The following SRP68 variants were observed in gnomAD, a reference collection of about 807,000 sequenced individuals.
SRP68 encodes the protein signal recognition particle 68, also known as signal recognition particle subunit SRP68.
Under a neutral mutation model 82.2 loss-of-function variants are expected in SRP68, and 15 were observed. The ratio of observed to expected loss-of-function variants is 0.18; its 90% CI spans 0.12 to 0.28. SRP68 has a LOEUF of 0.28. Ranked by LOEUF, SRP68 falls within the 10% of genes least tolerant of loss-of-function variation. The pLI, the probability that SRP68 is intolerant of heterozygous loss-of-function variation, is 1.00. For missense variants in SRP68, 595 were observed against 780.5 expected (o/e 0.76, Z 2.83); for synonymous variants, 261 against 292.6 (o/e 0.89, Z 1.10).
chr17:76,045,845 T>G (rs569395760), intron 11 of SRP68, among the ~76,000 whole-genome samples, 193 bp downstream of exon 11: 12 of 152,274 alleles, frequency 7.9e-5, no homozygotes, highest in African/African-American at 2.9e-4. Flanking sequence ...GGGTCACTAT[T>G]CTCTGCAGAT....
intron 9 of SRP68, among the ~76,000 whole-genome samples, chr17:76,049,930 C>T (rs1352866727): frequency 6.6e-6 from 1 of 152,014 alleles, no homozygotes; most frequent in South Asian, 2.1e-4. Context: ...AGAAGGGAAC[C>T]GAGACCAAGC....
intron 7 of SRP68, among the ~76,000 whole-genome samples, chr17:76,059,868 G>C (rs1238266311): frequency 1.3e-5 from 2 of 151,286 alleles, no homozygotes; most frequent in South Asian, 4.2e-4. Context: ...GCTCATGCCT[G>C]TAATCCCAGC....
At chr17:76,047,586 C>T (rs2066640979) in intron 10 of SRP68, among the ~76,000 whole-genome samples, 1 of 151,936 alleles carries the variant, frequency 6.6e-6, no homozygotes, top group Non-Finnish European at 1.5e-5. Context: ...GAGTTTGAGA[C>T]CAGCCCAGGT....
intron 8 of SRP68, among the ~76,000 whole-genome samples, chr17:76,056,949 A>G (rs1045222413): frequency 1.3e-5 from 2 of 152,256 alleles, no homozygotes; most frequent in African/African-American, 4.8e-5. Context: ...ACAGTTTTGC[A>G]TGAATATTAC....
chr17:76,046,303 G>T, intron 10 of SRP68, 109 bp from the exon 11 acceptor site: 1 of 1,272,352 alleles, frequency 7.9e-7, no homozygotes, highest in Non-Finnish European at 1.1e-6. Context: ...GCGGGTGGGG[G>T]CGTGGCCACA....
intron 8 of SRP68, among the ~76,000 whole-genome samples, chr17:76,056,734 A>C (rs926547258): frequency 2.6e-5 from 4 of 152,216 alleles, no homozygotes; most frequent in Non-Finnish European, 5.9e-5. Flanking sequence ...CGGAAATGCC[A>C]CTGTTCCCTG....
Position 76,040,464 on chromosome 17 carries a change from G to T in SRP68, c.1611C>A (p.Asp537Glu). 6.2e-7 allele frequency: 1 copy of T among 1,614,036 alleles called. No homozygotes were observed. Among genetic ancestry groups the T allele is most frequent in the East Asian group, 2.2e-5 (1 of 44,894 alleles). Residue 537 changes from aspartate to glutamate, a missense_variant, in exon 15 of 16, where the codon GAC (aspartate) becomes GAA (glutamate). Coordinates refer to ENST00000307877, the MANE Select transcript of SRP68 (RefSeq NM_014230.4). ...AGGAGGAGGTCTCTGTTTGATGAGC[G>T]TCGTTTGCATCTGAAAGTTTCACAG... ...LQAAAILDANDAHQTETSSSQ... is the reference protein window; with the variant it reads ...LQAAAILDANEAHQTETSSSQ...
intron 8 of SRP68, among the ~76,000 whole-genome samples, chr17:76,054,175 TCA>T (rs1448587374): frequency 6.6e-6 from 1 of 152,246 alleles, no homozygotes. Flanking sequence ...CTCGTCAGGC[TCA>T]GTTTCAAAAC....
intron 8 of SRP68, among the ~76,000 whole-genome samples, chr17:76,056,412 G>C (rs75647820): frequency 2.0e-5 from 3 of 152,164 alleles, no homozygotes; most frequent in African/African-American, 2.4e-5. Flanking sequence ...CCATACAACA[G>C]TGCCAATAGA....
chr17:76,043,721 G>T, intron 13 of SRP68, 108 bp downstream of exon 13: 1 of 1,281,896 alleles, frequency 7.8e-7, no homozygotes, highest in East Asian at 2.7e-5. Flanking sequence ...CGGGCAGCCA[G>T]GGAGGACCAG....
chr17:76,043,030 G>C (rs2066602924), intron 13 of SRP68, among the ~76,000 whole-genome samples: 1 of 152,034 alleles, frequency 6.6e-6, no homozygotes, highest in Non-Finnish European at 1.5e-5. Flanking sequence ...CAGGAGGACT[G>C]CTTGAGGCCA....
At position 76,060,725 on chromosome 17, in the gene SRP68, C is replaced by T. The variant is rs531795124; in HGVS notation, c.755-335G>A. 22 of 336,184 alleles carry T rather than the reference C, an allele frequency of 6.5e-5. No homozygotes were observed. In the East Asian group the frequency reaches 1.3e-3, roughly 20 times the overall value. 20.8% of individuals were successfully genotyped at this position (336,184 alleles called of 1,614,324 possible). On this transcript the variant is annotated intron_variant, in intron 6 of 15. Transcript: ENST00000307877. ...GGGCCATCAATTGTAACAAATGCAC[C>T]CCTCTGGTGGGGGAAGATGCTAATG...
At position 76,060,633 on chromosome 17, in the gene SRP68, T is replaced by C. The variant is rs1311225950; in HGVS notation, c.755-243A>G. 4 of 453,712 alleles carry C rather than the reference T, an allele frequency of 8.8e-6. No individual in the cohort carries two copies. In the Admixed American group the frequency reaches 1.5e-4, roughly 17 times the overall value. The allele number at this position is 453,712 out of a possible 1,614,324, so 28.1% of individuals were successfully genotyped here. A position where few individuals can be genotyped will look rare whatever the true frequency, so the allele number is the denominator to read the frequency against. On this transcript the variant is annotated intron_variant, in intron 6 of 15. Transcript: ENST00000307877. ...GAAACATTTGTCCAAACCCATAGAATGTACAACATCAAGCGTGAACCCTGA... is the reference window on the plus strand; with the variant it reads ...GAAACATTTGTCCAAACCCATAGAACGTACAACATCAAGCGTGAACCCTGA...
intron 13 of SRP68, chr17:76,043,544 G>A (rs2066607421): frequency 9.7e-6 from 2 of 206,502 alleles, no homozygotes; most frequent in Admixed American, 6.0e-5. Flanking sequence ...TCAACGTGCA[G>A]TCAAGTCTGA....
intron 7 of SRP68, 106 bp downstream of exon 7, chr17:76,060,202 G>A: frequency 8.9e-6 from 3 of 337,140 alleles, no homozygotes; most frequent in Middle Eastern, 8.5e-4. Flanking sequence ...TGCTAATACA[G>A]ATATAAATAT....
At chr17:76,046,881 C>T (rs1472408653) in intron 10 of SRP68, among the ~76,000 whole-genome samples, 2 of 152,086 alleles carry the variant, frequency 1.3e-5, no homozygotes, top group East Asian at 1.9e-4. Flanking sequence ...GCGGAGCTTG[C>T]AGTGAGCCAA....
chr17:76,070,538 C>T, intron 1 of SRP68, 94 bp from the exon 2 acceptor site: 1 of 1,079,092 alleles, frequency 9.3e-7, no homozygotes, highest in Non-Finnish European at 1.4e-6. Context: ...AACCACAACA[C>T]ATTAAACATT....
chr17:76,046,465 G>GAAAAA (rs745410222), intron 10 of SRP68, among the ~76,000 whole-genome samples: 3 of 71,276 alleles, frequency 4.2e-5, no homozygotes, highest in Non-Finnish European at 6.9e-5. Context: ...CCACACAGTG[G>GAAAAA]AAAAAAAAAA....
At chr17:76,045,161 T>A (rs2066620173) in intron 12 of SRP68, 131 bp downstream of exon 12, 1 of 694,862 alleles carries the variant, frequency 1.4e-6, no homozygotes, top group Non-Finnish European at 2.5e-6. Flanking sequence ...TGGGCTGACC[T>A]TCCTCTGATC....
Sources: allele counts gnomAD v4.1 joint callset (sites outside exome capture counted in the v4.1 genomes callset), GRCh38; gene constraint gnomAD v4.1.1; transcripts MANE v1.5; gene names NCBI Gene and HGNC (gene_info 2026-07-23, HGNC 2026-07-21).